Variants in SPRED2 observed in about 807,000 individuals in gnomAD.
The protein encoded by SPRED2 is sprouty related EVH1 domain containing 2, also known as sprouty-related, EVH1 domain-containing protein 2.
SPRED2 carries 47 observed loss-of-function variants against 43.0 expected under a neutral mutation model. The ratio of observed to expected loss-of-function variants is 1.09; its 90% CI spans 0.87 to 1.40. The LOEUF (loss-of-function observed/expected upper bound fraction) is 1.40. Ranked by LOEUF, SPRED2 falls within the 40% of genes most tolerant of loss-of-function variation. SPRED2 has a pLI of 0.00. For missense variants in SPRED2, 561 were observed against 586.4 expected (o/e 0.96, Z 0.45); for synonymous variants, 225 against 225.7 (o/e 1.00, Z 0.03).
chr2:65,431,352 G>C (rs1676685309), intron 1 of SPRED2, among the ~76,000 whole-genome samples: 1 of 151,382 alleles, frequency 6.6e-6, no homozygotes, highest in Admixed American at 6.6e-5. Flanking sequence ...CTCACGCGCC[G>C]CGGGGCCCCT....
At chr2:65,428,963 A>G (rs1238492529) in intron 1 of SPRED2, among the ~76,000 whole-genome samples, 3 of 152,208 alleles carry the variant, frequency 2.0e-5, no homozygotes, top group African/African-American at 7.2e-5. Flanking sequence ...AAAAGTCTGT[A>G]TAATTGTAAA....
intron 1 of SPRED2, among the ~76,000 whole-genome samples, chr2:65,370,796 C>A (rs1042182272): frequency 6.6e-6 from 1 of 151,334 alleles, no homozygotes; most frequent in Non-Finnish European, 1.5e-5. Context: ...TCTTTCCTGA[C>A]CAGCCCATTC....
chr2:65,360,111 AAAAC>A (rs1674769941), intron 1 of SPRED2, among the ~76,000 whole-genome samples: 1 of 148,932 alleles, frequency 6.7e-6, no homozygotes, highest in African/African-American at 2.5e-5. Flanking sequence ...AAAAAAAAAA[AAAAC>A]AAAGACCAAA....
chr2:65,397,444 TAATCACTC>T (rs1340526673), intron 1 of SPRED2, among the ~76,000 whole-genome samples: 3 of 152,150 alleles, frequency 2.0e-5, no homozygotes, highest in African/African-American at 7.2e-5. Flanking sequence ...TAAACCCTAC[TAATCACTC>T]AAAGCAAAGC....
chr2:65,316,935 C>T, intron 4 of SPRED2, 52 bp from the exon 5 acceptor site: 1 of 1,585,304 alleles, frequency 6.3e-7, no homozygotes, highest in East Asian at 2.2e-5. Flanking sequence ...AACAAAAACC[C>T]CACGCAGCAA....
chr2:65,327,713 C>CTTTTTTTTTTTTTTTTTT (rs555549300), intron 4 of SPRED2, among the ~76,000 whole-genome samples: 8 of 74,444 alleles, frequency 1.1e-4, no homozygotes, highest in Non-Finnish European at 1.2e-4. Context: ...TTCTTTCTTT[C>CTTTTTTTTTTTTTTTTTT]TTTTTTTTTT....
chr2:65,342,165 CAT>C (rs1558659950), intron 2 of SPRED2, among the ~76,000 whole-genome samples: 1 of 147,668 alleles, frequency 6.8e-6, no homozygotes, highest in East Asian at 2.0e-4. Context: ...ATTTTATATA[CAT>C]ATATTATGTA....
At chr2:65,348,620 T>C (rs1450966661) in intron 1 of SPRED2, among the ~76,000 whole-genome samples, 1 of 151,720 alleles carries the variant, frequency 6.6e-6, no homozygotes, top group Non-Finnish European at 1.5e-5. Flanking sequence ...CTGGCCAACA[T>C]GGTGAAACCC....
intron 4 of SPRED2, among the ~76,000 whole-genome samples, chr2:65,327,677 C>A (rs977950949): frequency 2.6e-5 from 4 of 151,338 alleles, no homozygotes. Flanking sequence ...GGAGGGCTGC[C>A]CTCCCAAAAC....
chr2:65,324,522 G>A (rs56878293), intron 4 of SPRED2, among the ~76,000 whole-genome samples: 4,193 of 152,262 alleles, frequency 0.028, 185 homozygotes, highest in African/African-American at 0.096. Flanking sequence ...CCTGCTGTAT[G>A]AGCCTTTTTT....
intron 4 of SPRED2, among the ~76,000 whole-genome samples, chr2:65,329,669 A>T (rs955954370): frequency 4.6e-5 from 7 of 152,116 alleles, no homozygotes; most frequent in African/African-American, 1.7e-4. Flanking sequence ...TGATTCTATA[A>T]ATCACTTCTG....
At chr2:65,370,801 C>CCTTT (rs1448099233) in intron 1 of SPRED2, among the ~76,000 whole-genome samples, 1 of 152,116 alleles carries the variant, frequency 6.6e-6, no homozygotes, top group African/African-American at 2.4e-5. Flanking sequence ...CCTGACCAGC[C>CCTTT]CATTCAGAAA....
chr2:65,380,922 T>C lies in SPRED2; in HGVS notation c.27-36026A>G, dbSNP rs544693294. On this transcript the variant is annotated intron_variant, in intron 1 of 5. Transcript: ENST00000356388. Reference sequence around the variant, plus strand: ...ATCAAAGAGCATTAAATGGCATTAATGATATTAATGACATTGACATGCCAA... The same window carrying C: ...ATCAAAGAGCATTAAATGGCATTAACGATATTAATGACATTGACATGCCAA... Among the ~76,000 whole-genome samples the C allele has an allele frequency of 1.3e-3, 193 of 152,352 alleles. 1 individual carries two copies. Among genetic ancestry groups the C allele is most frequent in the Middle Eastern group, 6.8e-3 (2 of 294 alleles).
chr2:65,313,876 C>T lies in SPRED2; in HGVS notation c.882G>A (p.Arg294=). The change falls in exon 6 of 6, where the codon CGG becomes CGA. Residue 294 remains arginine (R), a synonymous_variant. Transcript: ENST00000356388. ...CCTCCTTCCGCCGCCGCGACTTGCC[C>T]CGGGAGGGCTGCGTCTTGATCACGC... The part of the protein sequence containing the change: ...GGSVIKTQPS[R]GKSRRRKEDG... 3 of 1,610,610 alleles carry T rather than the reference C, an allele frequency of 1.9e-6. No homozygotes were observed. Among genetic ancestry groups the T allele is most frequent in the Non-Finnish European group, 2.5e-6 (3 of 1,179,812 alleles).
At chr2:65,384,942 T>C (rs268130) in intron 1 of SPRED2, among the ~76,000 whole-genome samples, 137,829 of 151,082 alleles carry the variant, frequency 0.91, 63,361 homozygotes, top group East Asian at 1. Context: ...ATTTCTATGG[T>C]ATGTTCACTA....
chr2:65,311,186 A>T lies in SPRED2; in HGVS notation c.*2315T>A, dbSNP rs1428072904. The T allele has an allele frequency of 8.1e-6, 8 of 985,718 alleles. No individual in the cohort carries two copies. The highest frequency in any genetic ancestry group is 9.6e-6 in the Non-Finnish European group (8 of 829,920). 61.1% of individuals were successfully genotyped at this position (985,718 alleles called of 1,614,324 possible). A position where few individuals can be genotyped will look rare whatever the true frequency, so the allele number is the denominator to read the frequency against. On this transcript the variant is annotated 3_prime_UTR_variant, in exon 6 of 6. Transcript: ENST00000356388. ...AATAAAATCTGAATAATTTCTCTCA[A>T]ATGATTGACGTCAGTATGGCAAAGC...
At chr2:65,425,612 T>A (rs910059094) in intron 1 of SPRED2, among the ~76,000 whole-genome samples, 2 of 152,238 alleles carry the variant, frequency 1.3e-5, no homozygotes, top group African/African-American at 4.8e-5. Flanking sequence ...TATGTCAAGA[T>A]GTAACAATCC....
intron 1 of SPRED2, among the ~76,000 whole-genome samples, chr2:65,369,219 A>G (rs1046346129): frequency 3.3e-5 from 5 of 152,210 alleles, no homozygotes; most frequent in Admixed American, 6.5e-5. Flanking sequence ...GGTTTCTCAA[A>G]GGATATTCCT....
At chr2:65,366,095 T>A (rs1453305295) in intron 1 of SPRED2, among the ~76,000 whole-genome samples, 1 of 152,162 alleles carries the variant, frequency 6.6e-6, no homozygotes, top group African/African-American at 2.4e-5. Flanking sequence ...AAAGCTTTCT[T>A]GCATTAAGTC....
Sources: allele counts gnomAD v4.1 joint callset (sites outside exome capture counted in the v4.1 genomes callset), GRCh38; gene constraint gnomAD v4.1.1; transcripts MANE v1.5; gene names NCBI Gene and HGNC (gene_info 2026-07-23, HGNC 2026-07-21).